Variants in DNAH9 observed in about 807,000 individuals in gnomAD.
DNAH9 encodes the protein DNAH9 variant protein.
DNAH9 carries 345 observed loss-of-function variants against 471.6 expected under a neutral mutation model. That is an observed-to-expected ratio of 0.73 (90% CI 0.67 to 0.80). The LOEUF (loss-of-function observed/expected upper bound fraction) is 0.80, where lower values mean the gene tolerates loss of function less well. DNAH9 is among the 30% of genes least tolerant of loss of function. The probability of loss-of-function intolerance (pLI) is 0.00; values close to 1 mark genes in which losing one functional copy is unlikely to be tolerated. For synonymous variants in DNAH9, 2,093 were observed against 2,123.6 expected, an observed-to-expected ratio of 0.99 and a Z score of 0.40; for missense variants, 5,407 against 5,609.2, an observed-to-expected ratio of 0.96 and a Z score of 1.15.
intron 1 of DNAH9, among the ~76,000 whole-genome samples, chr17:11,604,579 A>G (rs1308351508): frequency 1.3e-5 from 2 of 152,186 alleles, no homozygotes; most frequent in African/African-American, 2.4e-5. Flanking sequence ...ATGTGCAAAC[A>G]AAAGCTCCTG....
chr17:11,810,302 T>C lies in DNAH9; in HGVS notation c.8640T>C (p.Phe2880=), dbSNP rs1232284053. ...GAGTGAAGAATCTCAACACAGTGTT[T>C]CTCATGACTGATGCCCAAGTGGCTG... ...KAGVKNLNTV[F]LMTDAQVADE... Residue 2880 remains phenylalanine (F), a synonymous_variant, in exon 45 of 69, where the codon TTT becomes TTC. Transcript: ENST00000262442. 4 of 1,613,790 alleles carry C rather than the reference T, an allele frequency of 2.5e-6. No homozygotes were observed. The highest frequency in any genetic ancestry group is 1.7e-6 in the Non-Finnish European group (2 of 1,179,930).
At chr17:11,926,035 GAAAAAAAA>G (rs71142253) in intron 62 of DNAH9, among the ~76,000 whole-genome samples, 29 of 59,918 alleles carry the variant, frequency 4.8e-4, no homozygotes, top group Admixed American at 1.8e-3. Context: ...GAGATTCTCT[GAAAAAAAA>G]AAAAAAAAAA....
At position 11,902,799 on chromosome 17, in the gene DNAH9, G is replaced by A; in HGVS notation, c.11487G>A (p.Glu3829=). The A allele has an allele frequency of 6.2e-7, 1 of 1,614,076 alleles. No individual in the cohort carries two copies. Among genetic ancestry groups the A allele is most frequent in the Non-Finnish European group, 8.5e-7 (1 of 1,179,914 alleles). The part of the protein sequence containing the change: ...GSAKSWKKFV[E]SECPEKEKLP... ...CTAAGAGCTGGAAAAAGTTTGTGGAGTCCGAATGTCCTGAGAAAGAGAAGC... is the reference window on the plus strand; with the variant it reads ...CTAAGAGCTGGAAAAAGTTTGTGGAATCCGAATGTCCTGAGAAAGAGAAGC... Residue 3829 remains glutamate (E), a synonymous_variant, in exon 60 of 69, where the codon GAG becomes GAA. Transcript: ENST00000262442.
chr17:11,776,607 G>A (rs1223567513), intron 38 of DNAH9, among the ~76,000 whole-genome samples: 1 of 152,148 alleles, frequency 6.6e-6, no homozygotes, highest in African/African-American at 2.4e-5. Flanking sequence ...GTCATCCTAT[G>A]AGTTAACACC....
chr17:11,617,947 G>C (rs60986932), intron 5 of DNAH9, among the ~76,000 whole-genome samples: 2,400 of 152,292 alleles, frequency 0.016, 59 homozygotes, highest in African/African-American at 0.054. Context: ...GCAGTAAAGA[G>C]TGCAGCCTCT....
At chr17:11,693,241 T>TC (rs2074366185) in intron 20 of DNAH9, among the ~76,000 whole-genome samples, 2 of 134,034 alleles carry the variant, frequency 1.5e-5, no homozygotes, top group South Asian at 5.2e-4. Context: ...AATGCCCTTT[T>TC]TTTTTTTTTT....
chr17:11,719,576 C>T (rs777186999), intron 27 of DNAH9, 86 bp downstream of exon 27: 4 of 1,296,804 alleles, frequency 3.1e-6, no homozygotes, highest in Middle Eastern at 2.2e-4. Context: ...ATCCGTGCCA[C>T]CCTGACCCAG....
At chr17:11,686,340 T>C (rs2074241761) in intron 19 of DNAH9, among the ~76,000 whole-genome samples, 1 of 152,166 alleles carries the variant, frequency 6.6e-6, no homozygotes, top group African/African-American at 2.4e-5. Flanking sequence ...CATCCAAGCT[T>C]TCCAGGCATT....
At chr17:11,690,458 A>G in intron 20 of DNAH9, 22 bp downstream of exon 20, 10 of 1,603,840 alleles carry the variant, frequency 6.2e-6, no homozygotes, top group Non-Finnish European at 8.5e-6. Context: ...GGAAATCTAG[A>G]ATCTCTCTAT....
At chr17:11,774,390 G>T (rs961307254) in intron 38 of DNAH9, among the ~76,000 whole-genome samples, 1 of 152,104 alleles carries the variant, frequency 6.6e-6, no homozygotes, top group Non-Finnish European at 1.5e-5. Context: ...AGACATTCCC[G>T]AGACTGGGTA....
rs1396616764 is a variant in DNAH9 at position 11,886,914 on chromosome 17, C to T, written c.11061C>T (p.Phe3687=). Residue 3687 remains phenylalanine, a synonymous_variant, in exon 57 of 69, where the codon TTC becomes TTT. Transcript: ENST00000262442. ...CTGCCAGGGCCTCACTGCTCTACTT[C>T]ATCATGAACGACCTCAGCAAGATCC... is the stretch of plus-strand genomic sequence containing the variant. ...PAAARASLLY[F]IMNDLSKIHP... 3.1e-6 allele frequency: 5 copies of T among 1,613,174 alleles called. No individual in the cohort carries two copies. The highest frequency in any genetic ancestry group is 3.4e-6 in the Non-Finnish European group (4 of 1,179,616).
chr17:11,881,918 A>AAG (rs397807917), intron 55 of DNAH9, among the ~76,000 whole-genome samples: 8 of 150,618 alleles, frequency 5.3e-5, no homozygotes, highest in Non-Finnish European at 1.0e-4. Flanking sequence ...CTCAAAAAAA[A>AAG]GAAAAAAAAA....
At chr17:11,857,015 A>G (rs1004649286) in intron 50 of DNAH9, among the ~76,000 whole-genome samples, 2 of 152,110 alleles carry the variant, frequency 1.3e-5, no homozygotes, top group African/African-American at 2.4e-5. Flanking sequence ...ATGAGCCACC[A>G]TGTCCAGCCC....
intron 20 of DNAH9, among the ~76,000 whole-genome samples, chr17:11,691,756 TC>T (rs1489243952): frequency 1.3e-4 from 20 of 152,200 alleles, no homozygotes; most frequent in African/African-American, 2.4e-5. Context: ...GAGCAAAATA[TC>T]CCATTGAGGA....
intron 67 of DNAH9, among the ~76,000 whole-genome samples, chr17:11,951,909 C>T (rs1187406378): frequency 1.5e-5 from 2 of 129,532 alleles, no homozygotes; most frequent in Non-Finnish European, 3.2e-5. Context: ...GGTGACACAG[C>T]AAAACTCCAT....
At chr17:11,786,072 G>A (rs969162825) in intron 41 of DNAH9, among the ~76,000 whole-genome samples, 2 of 114,690 alleles carry the variant, frequency 1.7e-5, no homozygotes, top group Non-Finnish European at 3.6e-5. Context: ...GTTACTAGGT[G>A]GATTTTTCAA....
At chr17:11,667,451 A>T (rs1259088258) in intron 15 of DNAH9, among the ~76,000 whole-genome samples, 1 of 152,208 alleles carries the variant, frequency 6.6e-6, no homozygotes. Context: ...TCCTGAGTCC[A>T]ATAATGAGAA....
intron 52 of DNAH9, among the ~76,000 whole-genome samples, chr17:11,874,444 G>A (rs1334284942): frequency 6.6e-6 from 1 of 152,098 alleles, no homozygotes; most frequent in African/African-American, 2.4e-5. Context: ...GGGTGTTTGG[G>A]GAAGAGAAAA....
rs771208019 is a variant in DNAH9 at position 11,652,768 on chromosome 17, C to T, written c.2361C>T (p.Cys787=). The T allele has an allele frequency of 1.1e-5, 18 of 1,612,712 alleles. No homozygotes were observed. The highest frequency in any genetic ancestry group is 6.6e-5 in the South Asian group (6 of 90,906). Residue 787 remains cysteine, a synonymous_variant, in exon 14 of 69, where the codon TGC becomes TGT. Transcript: ENST00000262442. ...GTTTCTTTTGGGGAACAGGCATTTGCGATTATGTCACTGAAATCACCAGTA... is the reference window on the plus strand; with the variant it reads ...GTTTCTTTTGGGGAACAGGCATTTGTGATTATGTCACTGAAATCACCAGTA... ...ETLNWKTEGI[C]DYVTEITSSI...
Sources: gnomAD v4.1 joint callset for allele counts (sites outside exome capture counted in the v4.1 genomes callset) on GRCh38, gnomAD v4.1.1 for gene constraint, MANE v1.5 for transcripts, NCBI Gene and HGNC (gene_info 2026-07-23, HGNC 2026-07-21) for gene names.